The following CACNA1C variants were observed in gnomAD, a reference collection of about 807,000 sequenced individuals.
CACNA1C encodes the protein calcium voltage-gated channel subunit alpha1 C.
A neutral mutation model predicts 229.0 loss-of-function variants in CACNA1C; 30 were observed. The ratio of observed to expected loss-of-function variants is 0.13; its 90% CI spans 0.10 to 0.18. CACNA1C has a LOEUF of 0.18. Ranked by LOEUF, CACNA1C falls within the 10% of genes least tolerant of loss-of-function variation. The pLI is 1.00. For synonymous variants in CACNA1C, 1,114 were observed against 1,132.5 expected, an observed-to-expected ratio of 0.98 and a Z score of 0.33; for missense variants, 1,658 against 2,845.0, an observed-to-expected ratio of 0.58 and a Z score of 9.49.
chr12:2,568,296 CA>C (rs5796013), intron 13 of CACNA1C, among the ~76,000 whole-genome samples: 127,451 of 151,958 alleles, frequency 0.84, 53,663 homozygotes, highest in East Asian at 0.99. Flanking sequence ...CTGCTGCTGT[CA>C]AAAAAAACTG....
intron 3 of CACNA1C, among the ~76,000 whole-genome samples, chr12:2,303,766 C>T (rs1034478231): frequency 2.0e-5 from 3 of 152,154 alleles, no homozygotes; most frequent in African/African-American, 2.4e-5. Context: ...CAAGGCTGTG[C>T]GGAGTGGGCG....
chr12:2,199,428 T>C (rs1413943661), intron 3 of CACNA1C, among the ~76,000 whole-genome samples: 1 of 152,198 alleles, frequency 6.6e-6, no homozygotes. Flanking sequence ...ATAGTAAATA[T>C]ATTTTTTCTG....
At chr12:2,097,360 A>G (rs185405442) in intron 1 of CACNA1C, among the ~76,000 whole-genome samples, 2 of 151,848 alleles carry the variant, frequency 1.3e-5, no homozygotes, top group Non-Finnish European at 2.9e-5. Flanking sequence ...GTTAGCCAGG[A>G]TAGTCTCGAT....
intron 3 of CACNA1C, among the ~76,000 whole-genome samples, chr12:2,239,257 C>G (rs541146138): frequency 1.2e-4 from 18 of 152,278 alleles, no homozygotes; most frequent in Middle Eastern, 3.4e-3. Flanking sequence ...GGTTTGGTCC[C>G]CTCCATCAGG....
In CACNA1C at chr12:2,486,063, C is replaced by T. The variant is rs371061189; in HGVS notation, c.758-41C>T. On this transcript the variant is annotated intron_variant, in intron 5 of 46. Transcript: ENST00000399655. This position sits in a 1 kb window ranked among gnomAD's most constrained non-coding sequence, Gnocchi z 4.9. ...GCATGAGATGGCGTCAGCACGGTAC[C>T]GCGGTGATGCTTGGTTCAGTGAGTG... The T allele has an allele frequency of 8.4e-6, 13 of 1,540,230 alleles. No homozygotes were observed. The highest frequency in any genetic ancestry group is 4.1e-5 in the African/African-American group (3 of 73,598).
intron 29 of CACNA1C, among the ~76,000 whole-genome samples, chr12:2,626,811 C>T (rs546950882): frequency 6.6e-6 from 1 of 152,272 alleles, no homozygotes; most frequent in South Asian, 2.1e-4. Flanking sequence ...AGATGGCAGG[C>T]TTCAGGAGGG....
At chr12:2,281,426 C>G (rs1005038598) in intron 3 of CACNA1C, among the ~76,000 whole-genome samples, 3 of 152,148 alleles carry the variant, frequency 2.0e-5, no homozygotes, top group Non-Finnish European at 4.4e-5. Context: ...TTCCTTCTGC[C>G]TAAAGGACTT....
chr12:2,651,871 C>T lies in CACNA1C; in HGVS notation c.4074+103C>T. On this transcript the variant is annotated intron_variant, in intron 32 of 46. Transcript: ENST00000399655. This position sits in a 1 kb window ranked among gnomAD's most constrained non-coding sequence, Gnocchi z 5.4. ...GAGCCCTCCACTCTGGGGCCCTGCT[C>T]CTTCCTCTGTGTGGCAGAACTCGGC... 4 of 910,762 alleles carry T rather than the reference C, an allele frequency of 4.4e-6. No individual in the cohort carries two copies. The highest frequency in any genetic ancestry group is 6.5e-6 in the Non-Finnish European group (4 of 616,058). 56.4% of individuals were successfully genotyped at this position (910,762 alleles called of 1,614,324 possible). A position where few individuals can be genotyped will look rare whatever the true frequency, so the allele number is the denominator to read the frequency against.
In CACNA1C at chr12:2,106,860, T is replaced by C. The variant is rs372302086; in HGVS notation, c.50-8364T>C. ...TCCTGAAGCCACTGGGCGCCCACCC[T>C]GGAGAGGGTTTCCACCTCAGCTGGG... On this transcript the variant is annotated intron_variant, in intron 1 of 46. Transcript: ENST00000399655. Among the ~76,000 whole-genome samples the C allele has an allele frequency of 1.3e-3, 47 of 36,364 alleles. 2 individuals carry two copies. Among genetic ancestry groups the C allele is most frequent in the Middle Eastern group, 0.024 (1 of 42 alleles). The allele number at this position is 36,364 out of a possible 152,430, so 23.9% of individuals were successfully genotyped here.
At position 2,425,712 on chromosome 12, in the gene CACNA1C, A is replaced by G. The variant is rs1384881950; in HGVS notation, c.478-23264A>G. ...GGGCTTCATGCTCTCCTCATTTGCA[A>G]TGCTAAGCTTTTTATCTATTTTCCC... On this transcript the variant is annotated intron_variant, in intron 3 of 46. Coordinates refer to ENST00000399655, the MANE Select transcript of CACNA1C (RefSeq NM_000719.7). 2.6e-5 allele frequency among the ~76,000 whole-genome samples: 4 copies of G among 152,114 alleles called. No individual in the cohort carries two copies. In the East Asian group the frequency reaches 7.7e-4, roughly 29 times the overall value.
Position 2,585,595 on chromosome 12 carries a change from G to A in CACNA1C, c.2460+99G>A, listed in dbSNP as rs111790484. The A allele has an allele frequency of 1.1e-3, 1,544 of 1,374,234 alleles. 3 individuals carry two copies. The highest frequency in any genetic ancestry group is 1.5e-3 in the Admixed American group (58 of 37,986). The allele number at this position is 1,374,234 out of a possible 1,614,324, so 85.1% of individuals were successfully genotyped here. A position where few individuals can be genotyped will look rare whatever the true frequency, so the allele number is the denominator to read the frequency against. On this transcript the variant is annotated intron_variant, in intron 17 of 46. Coordinates refer to ENST00000399655, the MANE Select transcript of CACNA1C (RefSeq NM_000719.7). This position sits in a 1 kb window ranked among gnomAD's most constrained non-coding sequence, Gnocchi z 4.1. ...AACCCTGTGGAGAAGAGGAGAGAAA[G>A]AAAGACACCCAGTGGAAAGAAAGCC...
intron 1 of CACNA1C, among the ~76,000 whole-genome samples, chr12:2,113,708 T>A (rs920682320): frequency 6.6e-6 from 1 of 152,166 alleles, no homozygotes; most frequent in Non-Finnish European, 1.5e-5. Context: ...GCCAATTGAC[T>A]AGCGGTACCA....
intron 3 of CACNA1C, among the ~76,000 whole-genome samples, chr12:2,207,466 A>C (rs535886856): frequency 1.3e-5 from 2 of 152,270 alleles, no homozygotes; most frequent in African/African-American, 4.8e-5. Flanking sequence ...ACATTTTAGG[A>C]AATTGGCTTT....
At chr12:2,584,385 C>T (rs2061654182) in intron 15 of CACNA1C, 118 bp from the exon 16 acceptor site, 2 of 675,274 alleles carry the variant, frequency 3.0e-6, no homozygotes, top group East Asian at 2.7e-5. Flanking sequence ...CAAATTGCTT[C>T]CCCCTCAAGC....
At chr12:2,101,797 T>C (rs144449025) in intron 1 of CACNA1C, among the ~76,000 whole-genome samples, 128 of 152,198 alleles carry the variant, frequency 8.4e-4, no homozygotes, top group Middle Eastern at 3.4e-3. Flanking sequence ...CCGAGAATAC[T>C]AAAAACTGCC....
chr12:2,097,437 C>G (rs571430194), intron 1 of CACNA1C, among the ~76,000 whole-genome samples: 1 of 152,176 alleles, frequency 6.6e-6, no homozygotes, highest in Non-Finnish European at 1.5e-5. Context: ...TGAGCCACCG[C>G]GCCTGGCCAC....
chr12:2,660,591 C>T (rs1338995533), intron 34 of CACNA1C: 2 of 151,936 alleles, frequency 1.3e-5, no homozygotes, highest in African/African-American at 4.8e-5. Context: ...TTTGGAAAGC[C>T]GAGGCAGGTG....
rs370537528 is a variant in CACNA1C, at chr12:2,160,968, T to C, written c.477+40538T>C. The stretch of plus-strand genomic sequence containing the variant: ...TCCTGAGTAGCTGGGACTACAGGCG[T>C]GCGCCACCACACTTGACTAATTTTT... On this transcript the variant is annotated intron_variant, in intron 3 of 46. Transcript: ENST00000399655. Among the ~76,000 whole-genome samples the C allele has an allele frequency of 1.4e-4, 21 of 152,288 alleles. No individual in the cohort carries two copies. The East Asian group carries it at 2.5e-3, about 18-fold the overall frequency.
At chr12:2,179,899 C>A (rs1390031494) in intron 3 of CACNA1C, among the ~76,000 whole-genome samples, 1 of 152,224 alleles carries the variant, frequency 6.6e-6, no homozygotes, top group Non-Finnish European at 1.5e-5. Flanking sequence ...CAGCTTCTAC[C>A]ATGCTCTTTC....
Sources: allele counts gnomAD v4.1 joint callset (sites outside exome capture counted in the v4.1 genomes callset), GRCh38; gene constraint gnomAD v4.1.1; non-coding constraint Gnocchi (gnomAD v3.1); transcripts MANE v1.5; gene names NCBI Gene and HGNC (gene_info 2026-07-23, HGNC 2026-07-21).